Variants in TYW1 observed in about 807,000 individuals in gnomAD.
TYW1 encodes the protein tRNA-yW synthesizing protein 1 homolog.
Under a neutral mutation model 96.2 loss-of-function variants are expected in TYW1, and 46 were observed. That is an observed-to-expected ratio of 0.48 (90% CI 0.38 to 0.61). The LOEUF (loss-of-function observed/expected upper bound fraction) is 0.61. Ranked by LOEUF, TYW1 falls within the 20% of genes least tolerant of loss-of-function variation. The probability of loss-of-function intolerance (pLI) is 0.00; values close to 1 mark genes in which losing one functional copy is unlikely to be tolerated. For missense variants in TYW1, 684 were observed against 909.6 expected, an observed-to-expected ratio of 0.75 and a Z score of 3.19; for synonymous variants, 274 against 323.0, an observed-to-expected ratio of 0.85 and a Z score of 1.63.
intron 13 of TYW1, among the ~76,000 whole-genome samples, chr7:67,175,975 G>C (rs1451854086): frequency 6.6e-6 from 1 of 152,094 alleles, no homozygotes; most frequent in East Asian, 1.9e-4. Context: ...GTCATTTTTA[G>C]TAAATAAATG....
chr7:67,019,586 G>C (rs930379578), intron 6 of TYW1, among the ~76,000 whole-genome samples: 4 of 152,246 alleles, frequency 2.6e-5, no homozygotes, highest in African/African-American at 9.6e-5. Flanking sequence ...TCTTGGCCTC[G>C]GACAGCGCTG....
chr7:67,189,468 T>G (rs59025597), intron 14 of TYW1, among the ~76,000 whole-genome samples: 5,170 of 152,146 alleles, frequency 0.034, 296 homozygotes, highest in East Asian at 0.18. Flanking sequence ...TGTGTTTGTG[T>G]GTGTCTGTCC....
chr7:66,997,090 T>C, intron 1 of TYW1, 108 bp downstream of exon 1: 1 of 1,573,776 alleles, frequency 6.4e-7, no homozygotes, highest in Non-Finnish European at 8.6e-7. Context: ...CTTCGGAGAC[T>C]GTTGCACTTG....
At chr7:67,133,239 TGATCTTCCCACCTCAGTC>T (rs1798138981) in intron 13 of TYW1, among the ~76,000 whole-genome samples, 1 of 144,566 alleles carries the variant, frequency 6.9e-6, no homozygotes, top group African/African-American at 2.7e-5. Context: ...TGGGCTCAAG[TGATCTTCCCACCTCAGTC>T]CCCCCACGAA....
chr7:67,077,774 T>C (rs773627726), intron 10 of TYW1, among the ~76,000 whole-genome samples: 9 of 152,244 alleles, frequency 5.9e-5, no homozygotes, highest in Non-Finnish European at 1.2e-4. Flanking sequence ...GTTTTTACTT[T>C]TGTTGCCTGT....
Position 67,221,688 on chromosome 7 carries a change from A to C in TYW1, c.1978-16620A>C, listed in dbSNP as rs148162754. 7.4e-4 allele frequency among the ~76,000 whole-genome samples: 113 copies of C among 152,276 alleles called. No homozygotes were observed. In the East Asian group the frequency reaches 0.018, roughly 25 times the overall value. ...TCCTTGTGCTTACAATGGACATCGC[A>C]TTTAACATTCTAAAGTTTTAATACT... On this transcript the variant is annotated intron_variant, in intron 15 of 15. Transcript: ENST00000359626.
intron 13 of TYW1, among the ~76,000 whole-genome samples, chr7:67,130,456 G>A (rs1055864990): frequency 6.6e-6 from 1 of 151,818 alleles, no homozygotes; most frequent in African/African-American, 2.4e-5. Context: ...GGTGGATCAC[G>A]AGTTCAGGAG....
intron 10 of TYW1, among the ~76,000 whole-genome samples, chr7:67,068,169 G>A (rs1437493571): frequency 6.6e-6 from 1 of 151,754 alleles, no homozygotes. Context: ...CTACAGGTGC[G>A]CACCACCATG....
At chr7:67,209,305 A>G (rs531638153) in intron 15 of TYW1, among the ~76,000 whole-genome samples, 1 of 152,254 alleles carries the variant, frequency 6.6e-6, no homozygotes, top group Admixed American at 6.5e-5. Context: ...TGGCTGGGAG[A>G]AGGTGGTACA....
intron 7 of TYW1, among the ~76,000 whole-genome samples, chr7:67,037,452 C>T (rs1794875147): frequency 7.0e-6 from 1 of 142,740 alleles, no homozygotes; most frequent in Non-Finnish European, 1.5e-5. Context: ...TGCAGTGAGC[C>T]AAGATTGCAC....
intron 12 of TYW1, among the ~76,000 whole-genome samples, chr7:67,108,823 T>G (rs1797315595): frequency 6.6e-6 from 1 of 152,068 alleles, no homozygotes; most frequent in South Asian, 2.1e-4. Context: ...TTATAGACAT[T>G]TCAAAACAGG....
At chr7:67,116,767 G>A (rs1584582044) in intron 12 of TYW1, among the ~76,000 whole-genome samples, 1 of 152,162 alleles carries the variant, frequency 6.6e-6, no homozygotes, top group East Asian at 1.9e-4. Flanking sequence ...TATGAAATGA[G>A]GCAGTGAATT....
intron 7 of TYW1, among the ~76,000 whole-genome samples, chr7:67,026,194 T>G (rs1794447288): frequency 6.6e-6 from 1 of 152,166 alleles, no homozygotes; most frequent in African/African-American, 2.4e-5. Context: ...TGCCTCAGCC[T>G]CCCGAGTAGC....
chr7:67,092,576 CA>C (rs1324091535), intron 11 of TYW1, among the ~76,000 whole-genome samples: 1 of 152,054 alleles, frequency 6.6e-6, no homozygotes, highest in African/African-American at 2.4e-5. Context: ...TTATCCTGAC[CA>C]GCCTGATTGA....
At chr7:67,180,770 G>A (rs1366992038) in intron 13 of TYW1, among the ~76,000 whole-genome samples, 2 of 151,954 alleles carry the variant, frequency 1.3e-5, no homozygotes, top group East Asian at 3.9e-4. Flanking sequence ...AGCCTCCCAA[G>A]TAGCTGGGAT....
chr7:67,213,035 C>T (rs928190590), intron 15 of TYW1, among the ~76,000 whole-genome samples: 3 of 152,048 alleles, frequency 2.0e-5, no homozygotes, highest in African/African-American at 7.2e-5. Context: ...CCACACCCAG[C>T]TAATTTTTTG....
At chr7:67,206,522 T>C (rs1046964478) in intron 15 of TYW1, among the ~76,000 whole-genome samples, 7 of 151,884 alleles carry the variant, frequency 4.6e-5, no homozygotes, top group East Asian at 3.9e-4. Context: ...TCACAACTAC[T>C]TGGGAGGCGG....
At chr7:67,204,470 C>CCCTT (rs1325992161) in intron 15 of TYW1, among the ~76,000 whole-genome samples, 8 of 151,332 alleles carry the variant, frequency 5.3e-5, no homozygotes, top group Non-Finnish European at 1.0e-4. Flanking sequence ...CTTCCTCCCT[C>CCCTT]CCTTCCTTCC....
At chr7:67,149,164 G>A (rs993032511) in intron 13 of TYW1, among the ~76,000 whole-genome samples, 1 of 152,174 alleles carries the variant, frequency 6.6e-6, no homozygotes, top group Non-Finnish European at 1.5e-5. Context: ...TTGGAGATTA[G>A]AGCTGAACCT....
Sources: allele counts gnomAD v4.1 joint callset (sites outside exome capture counted in the v4.1 genomes callset), GRCh38; gene constraint gnomAD v4.1.1; transcripts MANE v1.5; gene names NCBI Gene and HGNC (gene_info 2026-07-23, HGNC 2026-07-21).